The following MAGOHB variants were observed in gnomAD, a reference collection of about 807,000 sequenced individuals.
MAGOHB encodes protein mago nashi homolog 2.
Under a neutral mutation model 20.9 loss-of-function variants are expected in MAGOHB, and 15 were observed. That is an observed-to-expected ratio of 0.72 (90% CI 0.48 to 1.11). The LOEUF (loss-of-function observed/expected upper bound fraction) is 1.11, where lower values mean the gene tolerates loss of function less well. Ranked by LOEUF, MAGOHB falls within the 50% of genes least tolerant of loss-of-function variation. The probability of loss-of-function intolerance (pLI) is 0.00; values close to 1 mark genes in which losing one functional copy is unlikely to be tolerated. For synonymous variants in MAGOHB, 50 were observed against 57.9 expected (o/e 0.86, Z 0.62); for missense variants, 162 against 177.6 (o/e 0.91, Z 0.50).
chr12:10,613,386 C>T, intron 1 of MAGOHB, 53 bp downstream of exon 1: 1 of 1,516,994 alleles, frequency 6.6e-7, no homozygotes, highest in Non-Finnish European at 9.2e-7. Flanking sequence ...ACCACCCGGC[C>T]TCTCGGTCTC....
intron 4 of MAGOHB, among the ~76,000 whole-genome samples, chr12:10,607,063 T>C (rs144941535): frequency 6.8e-4 from 104 of 152,316 alleles, no homozygotes; most frequent in Middle Eastern, 3.4e-3. Context: ...TTACCAAATG[T>C]AGGAAAAGAA....
chr12:10,610,577 CAAAA>C (rs541042923), intron 2 of MAGOHB, 41 bp downstream of exon 2: 6,648 of 719,004 alleles, frequency 9.2e-3, no homozygotes, highest in Middle Eastern at 0.019. Flanking sequence ...GGGCTAAATG[CAAAA>C]AAAAAAAAAA....
At chr12:10,602,715 T>G (rs780673124), downstream of MAGOHB, among the ~76,000 whole-genome samples, 4 of 152,222 alleles carry the variant, frequency 2.6e-5, no homozygotes, top group Admixed American at 6.5e-5. Context: ...CTGGCTCCTT[T>G]CCTGCAAAAG....
At chr12:10,610,996 T>C (rs1865724058) in intron 1 of MAGOHB, among the ~76,000 whole-genome samples, 1 of 152,198 alleles carries the variant, frequency 6.6e-6, no homozygotes, top group African/African-American at 2.4e-5. Flanking sequence ...CCTTTAAAGT[T>C]TGTTATATGT....
chr12:10,609,333 G>C, intron 3 of MAGOHB: 1 of 420,290 alleles, frequency 2.4e-6, no homozygotes, highest in South Asian at 1.7e-5. Flanking sequence ...TTTTTACAGA[G>C]TGAAATTAGG....
At chr12:10,611,648 T>G (rs569127228) in intron 1 of MAGOHB, among the ~76,000 whole-genome samples, 17 of 141,696 alleles carry the variant, frequency 1.2e-4, no homozygotes, top group Non-Finnish European at 1.9e-4. Flanking sequence ...CTCGGGAGGA[T>G]GAGGCAGGAG....
intron 4 of MAGOHB, 68 bp from the exon 5 acceptor site, chr12:10,606,442 CA>C: frequency 1.3e-6 from 1 of 761,652 alleles, no homozygotes; most frequent in East Asian, 3.0e-5. Context: ...ATGCCTAAAA[CA>C]AAACAAATCA....
chr12:10,611,454 TGATGGC>T (rs1206601486), intron 1 of MAGOHB, among the ~76,000 whole-genome samples: 1 of 152,040 alleles, frequency 6.6e-6, no homozygotes, highest in Non-Finnish European at 1.5e-5. Flanking sequence ...TGACAGTCTT[TGATGGC>T]TTGGCACCAG....
chr12:10,600,837 T>C (rs1865547067), downstream of MAGOHB, among the ~76,000 whole-genome samples: 1 of 152,138 alleles, frequency 6.6e-6, no homozygotes, highest in South Asian at 2.1e-4. Flanking sequence ...TAGTGGTTAA[T>C]AAGGAGTGTG....
rs1865596663 is a variant in MAGOHB, at chr12:10,604,883, T to C, written c.*1392A>G. 6.6e-6 allele frequency: 1 copy of C among 152,204 alleles called. No individual in the cohort carries two copies. The highest frequency in any genetic ancestry group is 6.5e-5 in the Admixed American group (1 of 15,280). The allele number at this position is 152,204 out of a possible 1,614,324, so 9.4% of individuals were successfully genotyped here. On this transcript the variant is annotated 3_prime_UTR_variant, in exon 5 of 5. Coordinates refer to ENST00000320756, the MANE Select transcript of MAGOHB (RefSeq NM_018048.5). Reference sequence around the variant, plus strand: ...GCAAACAGGTTACCAAGCCATGCTCTAGAGCTATACTGTCCAAACGGTAGC... The same window carrying C: ...GCAAACAGGTTACCAAGCCATGCTCCAGAGCTATACTGTCCAAACGGTAGC...
chr12:10,604,547 G>A lies in MAGOHB; in HGVS notation c.*1728C>T, dbSNP rs1389235224. On this transcript the variant is annotated 3_prime_UTR_variant, in exon 5 of 5. Coordinates refer to ENST00000320756, the MANE Select transcript of MAGOHB (RefSeq NM_018048.5). ...TCCTCAACCTTGTTCAGTTTTTAAT[G>A]GATCATCTTATTCAACAGGAGCCAC... is the stretch of plus-strand genomic sequence containing the variant. The A allele has an allele frequency of 6.6e-6, 1 of 152,104 alleles. No individual in the cohort carries two copies. Among genetic ancestry groups the A allele is most frequent in the Non-Finnish European group, 1.5e-5 (1 of 68,016 alleles). 9.4% of individuals were successfully genotyped at this position (152,104 alleles called of 1,614,324 possible). A position where few individuals can be genotyped will look rare whatever the true frequency, so the allele number is the denominator to read the frequency against.
intron 3 of MAGOHB, chr12:10,609,319 T>C (rs1865682483): frequency 4.9e-6 from 2 of 405,812 alleles, no homozygotes; most frequent in Admixed American, 3.2e-5. Context: ...GAAACCAAAC[T>C]TTCTTTTTAC....
downstream of MAGOHB, among the ~76,000 whole-genome samples, chr12:10,601,438 G>C (rs1018281470): frequency 3.9e-5 from 6 of 152,112 alleles, no homozygotes; most frequent in Admixed American, 1.3e-4. Context: ...AGAAGGACCC[G>C]GGCTTCCAAC....
chr12:10,602,699 C>T (rs73256092), downstream of MAGOHB, among the ~76,000 whole-genome samples: 13,246 of 152,220 alleles, frequency 0.087, 1,929 homozygotes, highest in African/African-American at 0.3. Flanking sequence ...TTAATTTGCT[C>T]ATCTTCTGGC....
chr12:10,600,620 T>C (rs902899977), downstream of MAGOHB, among the ~76,000 whole-genome samples: 2 of 152,194 alleles, frequency 1.3e-5, no homozygotes, highest in African/African-American at 4.8e-5. Context: ...CTTCATAAAA[T>C]CTATCCCTAA....
chr12:10,610,529 A>C, intron 2 of MAGOHB, 93 bp downstream of exon 2: 1 of 1,347,032 alleles, frequency 7.4e-7, no homozygotes, highest in Non-Finnish European at 9.8e-7. Flanking sequence ...ATAGCCTTAG[A>C]TGTACTTTTT....
In MAGOHB at chr12:10,607,868, A is replaced by T; in HGVS notation, c.333T>A (p.Asp111Glu). The T allele has an allele frequency of 6.3e-7, 1 of 1,585,696 alleles. No homozygotes were observed. Among genetic ancestry groups the T allele is most frequent in the Non-Finnish European group, 8.6e-7 (1 of 1,160,902 alleles). ...FTTSKIGSLIDVNQSKDPEGL... is the reference protein window; with the variant it reads ...FTTSKIGSLIEVNQSKDPEGL... ...AACATACTTACTTTGACTGATTTAC[A>T]TCAATAAGAGAACCTATTTTTGATG... Residue 111 changes from aspartate to glutamate, a missense_variant, in exon 4 of 5, where the codon GAT (aspartate) becomes GAA (glutamate). Asp to Glu is a conservative substitution (Grantham distance 45). Coordinates refer to ENST00000320756, the MANE Select transcript of MAGOHB (RefSeq NM_018048.5).
At chr12:10,603,313 CAAA>C (rs11296285), downstream of MAGOHB, among the ~76,000 whole-genome samples, 15 of 75,116 alleles carry the variant, frequency 2.0e-4, no homozygotes, top group Admixed American at 3.2e-4. Context: ...GACTCCGTCT[CAAA>C]AAAAAAAAAA....
chr12:10,613,351 G>T, intron 1 of MAGOHB, 88 bp downstream of exon 1: 2 of 1,138,034 alleles, frequency 1.8e-6, no homozygotes, highest in Non-Finnish European at 2.7e-6. Context: ...GGGAAGCAGT[G>T]GCCTCCGCCG....
Sources: allele counts gnomAD v4.1 joint callset (sites outside exome capture counted in the v4.1 genomes callset), GRCh38; gene constraint gnomAD v4.1.1; transcripts MANE v1.5; gene names NCBI Gene and HGNC (gene_info 2026-07-23, HGNC 2026-07-21).